Variants in LPAR1 observed in about 807,000 individuals in gnomAD.
LPAR1 encodes the protein lysophosphatidic acid receptor 1.
A neutral mutation model predicts 23.8 loss-of-function variants in LPAR1; 5 were observed. The observed-to-expected ratio is 0.21, with a 90% CI of 0.11 to 0.44. The LOEUF is 0.44. Ranked by LOEUF, LPAR1 falls within the 20% of genes least tolerant of loss-of-function variation. LPAR1 has a pLI of 0.99. For synonymous variants in LPAR1, 160 were observed against 164.7 expected (o/e 0.97, Z 0.22); for missense variants, 311 against 482.8 (o/e 0.64, Z 3.33).
At chr9:111,030,399 T>C (rs1227564439) in intron 2 of LPAR1, among the ~76,000 whole-genome samples, 1 of 152,230 alleles carries the variant, frequency 6.6e-6, no homozygotes, top group Admixed American at 6.5e-5. Context: ...TGTTATTCTC[T>C]TAGTAAGAAC....
At chr9:110,978,923 G>T (rs571232910) in intron 2 of LPAR1, among the ~76,000 whole-genome samples, 228 of 152,274 alleles carry the variant, frequency 1.5e-3, no homozygotes, top group African/African-American at 5.4e-3. Context: ...GGGTGGTTGT[G>T]GGGAGAGGGA....
At position 110,919,795 on chromosome 9, in the gene LPAR1, C is replaced by T. The variant is rs530859612; in HGVS notation, c.793+21626G>A. Among the ~76,000 whole-genome samples the T allele has an allele frequency of 3.5e-4, 53 of 152,248 alleles. 1 individual carries two copies. In the South Asian group the frequency reaches 0.011, roughly 30 times the overall value. On this transcript the variant is annotated intron_variant, in intron 5 of 5. Transcript: ENST00000683809. ...TTGCTGGCCCAAGGAAATCTGCCTC[C>T]AATAAACCAGGAAATGTTTAACCCA...
intron 2 of LPAR1, among the ~76,000 whole-genome samples, chr9:111,030,080 C>T (rs909213736): frequency 2.0e-5 from 3 of 151,262 alleles, no homozygotes; most frequent in African/African-American, 7.3e-5. Flanking sequence ...ATTTAGTGTC[C>T]TCAGCCAAAC....
intron 2 of LPAR1, among the ~76,000 whole-genome samples, chr9:110,996,726 T>C (rs988300387): frequency 2.0e-5 from 3 of 152,194 alleles, no homozygotes; most frequent in Non-Finnish European, 4.4e-5. Flanking sequence ...GGGCAAGGGA[T>C]AAAATGTGAT....
chr9:110,972,925 C>T lies in LPAR1; in HGVS notation c.-104+556G>A, dbSNP rs530749200. ...TGGCACCACTGCACTCCAGCCTGGGCGACACAGAGAGACTCCTTCTCAAAA... is the reference window on the plus strand; with the variant it reads ...TGGCACCACTGCACTCCAGCCTGGGTGACACAGAGAGACTCCTTCTCAAAA... On this transcript the variant is annotated intron_variant, in intron 3 of 5. Transcript: ENST00000683809. Among the ~76,000 whole-genome samples, 41 of 151,324 alleles carry T rather than the reference C, an allele frequency of 2.7e-4. No individual in the cohort carries two copies. In the Middle Eastern group the frequency reaches 0.014, roughly 50 times the overall value.
At chr9:110,949,917 T>G (rs1184247016) in intron 4 of LPAR1, among the ~76,000 whole-genome samples, 3 of 152,104 alleles carry the variant, frequency 2.0e-5, no homozygotes, top group African/African-American at 7.2e-5. Flanking sequence ...AATTAACCAC[T>G]CTAACAAATT....
chr9:110,924,130 T>C (rs2093834539), intron 5 of LPAR1, among the ~76,000 whole-genome samples: 1 of 151,654 alleles, frequency 6.6e-6, no homozygotes, highest in Non-Finnish European at 1.5e-5. Flanking sequence ...CCCCTTGTGA[T>C]AAATTGGCAC....
chr9:111,009,998 AATATATATATATATATATAT>A (rs55696642), intron 2 of LPAR1, among the ~76,000 whole-genome samples: 30,836 of 123,140 alleles, frequency 0.25, 4,086 homozygotes, highest in Non-Finnish European at 0.28. Context: ...TAATTAGGAA[AATATATATATATATATATAT>A]ATATATATAT....
chr9:110,980,098 T>C (rs1282287508), intron 2 of LPAR1, among the ~76,000 whole-genome samples: 1 of 152,092 alleles, frequency 6.6e-6, no homozygotes, highest in East Asian at 1.9e-4. Context: ...TAACACTGAA[T>C]AATGGCCTAG....
chr9:110,879,672 C>T (rs972724483), intron 5 of LPAR1, among the ~76,000 whole-genome samples: 1 of 152,128 alleles, frequency 6.6e-6, no homozygotes, highest in Non-Finnish European at 1.5e-5. Context: ...CCTTACTGGT[C>T]AGATTTTCAT....
intron 2 of LPAR1, among the ~76,000 whole-genome samples, chr9:111,000,356 G>C (rs1473406502): frequency 6.6e-6 from 1 of 152,118 alleles, no homozygotes; most frequent in Non-Finnish European, 1.5e-5. Flanking sequence ...TCTTAGTATT[G>C]ACTTGTGACT....
intron 5 of LPAR1, among the ~76,000 whole-genome samples, chr9:110,936,573 T>C (rs1564098303): frequency 6.6e-6 from 1 of 152,200 alleles, no homozygotes; most frequent in African/African-American, 2.4e-5. Flanking sequence ...TGTAAGAGTA[T>C]AAACAACACA....
intron 5 of LPAR1, among the ~76,000 whole-genome samples, chr9:110,888,643 T>C (rs2083102403): frequency 6.7e-6 from 1 of 149,980 alleles, no homozygotes; most frequent in Admixed American, 6.6e-5. Context: ...AAATACAAAA[T>C]AAGTAAGATA....
chr9:110,954,805 C>T (rs1004156302), intron 4 of LPAR1, among the ~76,000 whole-genome samples: 1 of 152,130 alleles, frequency 6.6e-6, no homozygotes, highest in Admixed American at 6.5e-5. Flanking sequence ...CCCAAACAAG[C>T]AAAAGCTGAG....
At chr9:110,928,444 G>A (rs1304348497) in intron 5 of LPAR1, among the ~76,000 whole-genome samples, 1 of 152,084 alleles carries the variant, frequency 6.6e-6, no homozygotes, top group Admixed American at 6.6e-5. Context: ...CTCTAAATAA[G>A]TAGTTCTCAT....
chr9:111,037,264 T>C (rs886421665), intron 1 of LPAR1, among the ~76,000 whole-genome samples: 15 of 152,028 alleles, frequency 9.9e-5, no homozygotes, highest in African/African-American at 2.7e-4. Flanking sequence ...TCTAACCCCA[T>C]AGGAAACGAC....
intron 4 of LPAR1, among the ~76,000 whole-genome samples, chr9:110,950,160 A>G (rs999524637): frequency 4.0e-5 from 6 of 151,802 alleles, no homozygotes; most frequent in Non-Finnish European, 8.8e-5. Context: ...TTAAGCATTC[A>G]CTTTCAAACA....
chr9:110,945,755 C>T (rs1222614328), intron 4 of LPAR1, among the ~76,000 whole-genome samples: 1 of 152,072 alleles, frequency 6.6e-6, no homozygotes, highest in Non-Finnish European at 1.5e-5. Flanking sequence ...TTGTCTTTTC[C>T]AACTTCTAGA....
intron 5 of LPAR1, among the ~76,000 whole-genome samples, chr9:110,879,778 C>G (rs1440120260): frequency 2.0e-5 from 3 of 152,140 alleles, no homozygotes; most frequent in African/African-American, 7.2e-5. Flanking sequence ...AAGCCAGAAT[C>G]AGGACAGCAG....
Sources: gnomAD v4.1 joint callset for allele counts (sites outside exome capture counted in the v4.1 genomes callset) on GRCh38, gnomAD v4.1.1 for gene constraint, MANE v1.5 for transcripts, NCBI Gene and HGNC (gene_info 2026-07-23, HGNC 2026-07-21) for gene names.